KDM1A: variants seen among roughly 807,000 people sequenced by gnomAD.
KDM1A encodes lysine demethylase 1A.
In KDM1A, 49 loss-of-function variants were observed where a neutral mutation model predicts 109.4. The ratio of observed to expected loss-of-function variants is 0.45; its 90% CI spans 0.36 to 0.57. KDM1A has a LOEUF of 0.57. Ranked by LOEUF, KDM1A falls within the 20% of genes least tolerant of loss-of-function variation. The probability of loss-of-function intolerance (pLI) is 0.00; values close to 1 mark genes in which losing one functional copy is unlikely to be tolerated. For missense variants in KDM1A, 668 were observed against 1,116.6 expected, an observed-to-expected ratio of 0.60 and a Z score of 5.73; for synonymous variants, 380 against 415.4, an observed-to-expected ratio of 0.91 and a Z score of 1.04.
At chr1:23,048,478 T>G (rs1281417889) in intron 3 of KDM1A, among the ~76,000 whole-genome samples, 1 of 152,318 alleles carries the variant, frequency 6.6e-6, no homozygotes, top group South Asian at 2.1e-4. Context: ...TCTTTAATTT[T>G]GGGTATGGAT....
At chr1:23,066,437 G>A (rs1643162981) in intron 10 of KDM1A, among the ~76,000 whole-genome samples, 1 of 152,170 alleles carries the variant, frequency 6.6e-6, no homozygotes, top group African/African-American at 2.4e-5. Context: ...CTGAGCCTGA[G>A]TGCTGTGTAC....
chr1:23,030,668 A>G, intron 2 of KDM1A, 34 bp downstream of exon 2: 2 of 1,485,238 alleles, frequency 1.3e-6, no homozygotes, highest in Non-Finnish European at 1.8e-6. Context: ...GTTCTGTTTT[A>G]TCTTAGAAAT....
At position 23,079,009 on chromosome 1, in the gene KDM1A, G is replaced by C. The variant is rs757992062; in HGVS notation, c.1887G>C (p.Val629=). The C allele has an allele frequency of 1.3e-5, 21 of 1,613,960 alleles. 1 individual carries two copies. The Admixed American group carries it at 3.5e-4, about 27-fold the overall frequency. ...CTGCAGGATGTGAAGTGATAGCTGT[G>C]AATACCCGCTCCACGAGTCAAACCT... ...YTASGCEVIA[V]NTRSTSQTFI... The change falls in exon 17 of 21, where the codon GTG becomes GTC. Residue 629 remains valine, a synonymous_variant. Coordinates refer to ENST00000400181, the MANE Select transcript of KDM1A (RefSeq NM_001009999.3). The surrounding 1 kb of genome is among the most constrained non-coding windows in gnomAD (Gnocchi z 5.6).
Position 23,055,115 on chromosome 1 carries a change from T to C in KDM1A, c.837T>C (p.His279=), listed in dbSNP as rs760962872. The C allele has an allele frequency of 7.4e-6, 12 of 1,612,676 alleles. No homozygotes were observed. In the South Asian group the frequency reaches 1.2e-4, roughly 16 times the overall value. ...VHRVHSYLER[H]GLINFGIYKR... Reference sequence around the variant, plus strand: ...GAGTTCACAGTTATTTAGAGCGTCATGGTCTTATCAACTTCGGCATCTATA... The same window carrying C: ...GAGTTCACAGTTATTTAGAGCGTCACGGTCTTATCAACTTCGGCATCTATA... Residue 279 remains histidine (H), a synonymous_variant, in exon 6 of 21, where the codon CAT becomes CAC. Coordinates refer to ENST00000400181, the MANE Select transcript of KDM1A (RefSeq NM_001009999.3).
At chr1:23,052,992 A>T (rs1642716366) in intron 4 of KDM1A, among the ~76,000 whole-genome samples, 1 of 152,100 alleles carries the variant, frequency 6.6e-6, no homozygotes, top group Non-Finnish European at 1.5e-5. Context: ...AGCTAAACTC[A>T]TTATCTTATT....
intron 3 of KDM1A, among the ~76,000 whole-genome samples, chr1:23,045,522 A>T (rs1642477691): frequency 6.6e-6 from 1 of 152,220 alleles, no homozygotes; most frequent in Non-Finnish European, 1.5e-5. Flanking sequence ...CCCTGTTCAG[A>T]GTCTAGATCT....
chr1:23,044,479 A>G lies in KDM1A; in HGVS notation c.570A>G (p.Gln190=). The change falls in exon 3 of 21, where the codon CAA becomes CAG. Residue 190 remains glutamine, a synonymous_variant. Transcript: ENST00000400181. ...DDSSGGYGDG[Q]ASGVEGAAFQ... is the part of the protein sequence containing the mutation. ...GTTCTGGAGGGTATGGAGACGGCCA[A>G]GCATCAGGTGAGGGTGGCATTAGAT... 3 of 1,610,964 alleles carry G rather than the reference A, an allele frequency of 1.9e-6. No homozygotes were observed. The highest frequency in any genetic ancestry group is 2.5e-6 in the Non-Finnish European group (3 of 1,179,250).
rs764596144 is a variant in KDM1A at position 23,079,103 on chromosome 1, G to A, written c.1981G>A (p.Val661Ile). 1.7e-5 allele frequency: 27 copies of A among 1,614,048 alleles called. No individual in the cohort carries two copies. Among genetic ancestry groups the A allele is most frequent in the South Asian group, 7.7e-5 (7 of 91,084 alleles). The change falls in exon 17 of 21, where the codon GTT becomes ATT. Residue 661 changes from valine to isoleucine, a missense_variant. Coordinates refer to ENST00000400181, the MANE Select transcript of KDM1A (RefSeq NM_001009999.3). The surrounding 1 kb of genome is among the most constrained non-coding windows in gnomAD (Gnocchi z 5.6). ...TGTGCTGAAGCAGCAGCCACCAGCC[G>A]TTCAGTTTGTGCCACCTCTCCCTGA... ...LGVLKQQPPA[V>I]QFVPPLPEWK...
intron 3 of KDM1A, among the ~76,000 whole-genome samples, chr1:23,048,959 G>A (rs574916761): frequency 6.6e-6 from 1 of 151,706 alleles, no homozygotes; most frequent in South Asian, 2.1e-4. Flanking sequence ...GACTAGTCTA[G>A]CCAACATGGG....
chr1:23,083,219 G>A lies in KDM1A; in HGVS notation c.2486G>A (p.Arg829His), dbSNP rs769378240. Residue 829 changes from arginine to histidine, a missense_variant, in exon 21 of 21, where the codon CGT becomes CAT. Coordinates refer to ENST00000400181, the MANE Select transcript of KDM1A (RefSeq NM_001009999.3). The part of the protein sequence containing the change: ...RLFFAGEHTI[R>H]NYPATVHGAL... The stretch of plus-strand genomic sequence containing the variant: ...TTCTTTGCGGGAGAACATACGATCC[G>A]TAACTACCCAGCCACAGTGCATGGT... 4 of 1,613,492 alleles carry A rather than the reference G, an allele frequency of 2.5e-6. No individual in the cohort carries two copies. Among genetic ancestry groups the A allele is most frequent in the East Asian group, 2.2e-5 (1 of 44,866 alleles).
At chr1:23,075,299 A>T (rs889363587) in intron 15 of KDM1A, among the ~76,000 whole-genome samples, 1 of 152,206 alleles carries the variant, frequency 6.6e-6, no homozygotes, top group Non-Finnish European at 1.5e-5. Context: ...TTAAGACTGT[A>T]TAGGCTGGGT....
intron 9 of KDM1A, among the ~76,000 whole-genome samples, chr1:23,062,451 G>A (rs1643027327): frequency 6.6e-6 from 1 of 152,180 alleles, no homozygotes; most frequent in African/African-American, 2.4e-5. Flanking sequence ...AACGTAACTT[G>A]TTGGTTCTGT....
intron 15 of KDM1A, among the ~76,000 whole-genome samples, chr1:23,074,360 A>G (rs1347718301): frequency 6.6e-6 from 1 of 152,202 alleles, no homozygotes; most frequent in Non-Finnish European, 1.5e-5. Context: ...TGTCAGATTT[A>G]TGTTTTACAA....
At chr1:23,026,090 A>AAAAAAT (rs977617641) in intron 1 of KDM1A, among the ~76,000 whole-genome samples, 13 of 152,104 alleles carry the variant, frequency 8.5e-5, no homozygotes, top group African/African-American at 2.7e-4. Flanking sequence ...CCCTGTCTTA[A>AAAAAAT]AAAAATAAAA....
chr1:23,055,573 G>A (rs941308631), intron 6 of KDM1A, among the ~76,000 whole-genome samples: 1 of 152,126 alleles, frequency 6.6e-6, no homozygotes, highest in Non-Finnish European at 1.5e-5. Flanking sequence ...AAGGTTAGAG[G>A]TTAAGGGAAA....
At chr1:23,023,929 A>G (rs1239286705) in intron 1 of KDM1A, among the ~76,000 whole-genome samples, 1 of 152,196 alleles carries the variant, frequency 6.6e-6, no homozygotes, top group Non-Finnish European at 1.5e-5. Flanking sequence ...AGCTCACTGC[A>G]GCCTCAACCT....
At chr1:23,039,080 G>C (rs533881135) in intron 2 of KDM1A, among the ~76,000 whole-genome samples, 44 of 151,444 alleles carry the variant, frequency 2.9e-4, no homozygotes, top group African/African-American at 1.0e-3. Context: ...AATTATCTGA[G>C]CCTATTATTA....
chr1:23,025,411 A>ACCTCCAC (rs1480581503), intron 1 of KDM1A, among the ~76,000 whole-genome samples: 1 of 150,814 alleles, frequency 6.6e-6, no homozygotes, highest in East Asian at 2.0e-4. Flanking sequence ...GCTCATTGCA[A>ACCTCCAC]CCTCCACCTC....
chr1:23,074,629 T>C (rs1643409699), intron 15 of KDM1A, among the ~76,000 whole-genome samples: 1 of 152,196 alleles, frequency 6.6e-6, no homozygotes, highest in Non-Finnish European at 1.5e-5. Context: ...ATCTTTGTCT[T>C]ACCTGTGGTC....
Sources: allele counts gnomAD v4.1 joint callset (sites outside exome capture counted in the v4.1 genomes callset), GRCh38; gene constraint gnomAD v4.1.1; non-coding constraint Gnocchi (gnomAD v3.1); transcripts MANE v1.5; gene names NCBI Gene and HGNC (gene_info 2026-07-23, HGNC 2026-07-21).